TANC2: variants seen among roughly 807,000 people sequenced by gnomAD.
TANC2 encodes tetratricopeptide repeat, ankyrin repeat and coiled-coil containing 2.
A neutral mutation model predicts 210.5 loss-of-function variants in TANC2; 26 were observed. That is an observed-to-expected ratio of 0.12 (90% confidence interval 0.09 to 0.17). The LOEUF (loss-of-function observed/expected upper bound fraction) is 0.17, where lower values mean the gene tolerates loss of function less well. Ranked by LOEUF, TANC2 falls within the 10% of genes least tolerant of loss-of-function variation. TANC2 has a pLI of 1.00. For missense variants in TANC2, 2,129 were observed against 2,608.9 expected (o/e 0.82, Z 4.01); for synonymous variants, 931 against 967.1 (o/e 0.96, Z 0.69).
chr17:63,088,213 G>C (rs1174163873), intron 3 of TANC2: 14 of 151,928 alleles, frequency 9.2e-5, no homozygotes. Flanking sequence ...TTGGCTAAAG[G>C]CCTTCCTATG....
chr17:63,194,971 CAGG>C (rs1356654826), intron 6 of TANC2, among the ~76,000 whole-genome samples: 2 of 152,018 alleles, frequency 1.3e-5, no homozygotes, highest in African/African-American at 4.8e-5. Flanking sequence ...GCATTTTATT[CAGG>C]AGATGACAAA....
At chr17:63,402,454 T>C (rs998672245) in intron 19 of TANC2, among the ~76,000 whole-genome samples, 2 of 152,214 alleles carry the variant, frequency 1.3e-5, no homozygotes, top group African/African-American at 4.8e-5. Flanking sequence ...TGAATAGCAG[T>C]GATCAGTTTA....
rs920746328 is a variant in TANC2, at chr17:63,268,471, CA to C, written c.1159+600del. The stretch of plus-strand genomic sequence containing the variant: ...AACATATGAATTTCTTGTTTAGACC[CA>C]AGTCCTATCACCAAGATCTTTCATT... On this transcript the variant is annotated intron_variant, in intron 9 of 27. Transcript: ENST00000689528. Among the ~76,000 whole-genome samples, 14 of 152,134 alleles carry C rather than the reference CA, an allele frequency of 9.2e-5. 1 individual carries two copies. The highest frequency in any genetic ancestry group is 2.9e-4 in the African/African-American group (12 of 41,448).
chr17:63,059,924 A>C (rs2035935482), intron 2 of TANC2, among the ~76,000 whole-genome samples: 1 of 152,196 alleles, frequency 6.6e-6, no homozygotes, highest in African/African-American at 2.4e-5. Context: ...CCTGGGCACT[A>C]GACATGTCCA....
At chr17:62,974,711 CAT>C (rs1180974831) in intron 1 of TANC2, among the ~76,000 whole-genome samples, 1 of 152,140 alleles carries the variant, frequency 6.6e-6, no homozygotes, top group Non-Finnish European at 1.5e-5. Context: ...AGTTCAAAAA[CAT>C]ATGTACCATA....
chr17:63,089,442 A>C (rs1318396335), intron 3 of TANC2, among the ~76,000 whole-genome samples: 4 of 152,194 alleles, frequency 2.6e-5, no homozygotes, highest in African/African-American at 9.6e-5. Flanking sequence ...TTGAGGGGGA[A>C]AGTGGGAAGG....
At chr17:63,152,334 G>A (rs2039681085) in intron 5 of TANC2, 1 of 152,068 alleles carries the variant, frequency 6.6e-6, no homozygotes, top group Non-Finnish European at 1.5e-5. Flanking sequence ...TACCTTCGAA[G>A]CCAGATAGGA....
chr17:63,366,225 C>G (rs534474297), intron 14 of TANC2, among the ~76,000 whole-genome samples: 1 of 152,292 alleles, frequency 6.6e-6, no homozygotes, highest in Admixed American at 6.5e-5. Context: ...TGAAGACATG[C>G]ATTTCAGCAA....
intron 7 of TANC2, among the ~76,000 whole-genome samples, chr17:63,213,489 G>C (rs2041944646): frequency 6.6e-6 from 1 of 152,178 alleles, no homozygotes; most frequent in Non-Finnish European, 1.5e-5. Flanking sequence ...ATTTCAGTCA[G>C]ATTTTAGTGA....
intron 5 of TANC2, among the ~76,000 whole-genome samples, chr17:63,174,290 C>T (rs2040503305): frequency 6.6e-6 from 1 of 152,188 alleles, no homozygotes; most frequent in Non-Finnish European, 1.5e-5. Context: ...TTGTTACCCT[C>T]ATTTTCTTAC....
chr17:63,258,217 G>A (rs2043255621), intron 8 of TANC2, among the ~76,000 whole-genome samples: 1 of 152,042 alleles, frequency 6.6e-6, no homozygotes, highest in Non-Finnish European at 1.5e-5. Context: ...TGAGAAGTCT[G>A]TTGCCAGATG....
intron 9 of TANC2, among the ~76,000 whole-genome samples, chr17:63,283,342 A>T (rs1465956721): frequency 6.6e-6 from 1 of 151,928 alleles, no homozygotes; most frequent in Non-Finnish European, 1.5e-5. Context: ...ATTGATACTA[A>T]TAACATACTT....
intron 8 of TANC2, among the ~76,000 whole-genome samples, chr17:63,246,743 A>G (rs1015363753): frequency 5.9e-5 from 9 of 152,104 alleles, no homozygotes; most frequent in Non-Finnish European, 1.2e-4. Flanking sequence ...ATTTTGGTCT[A>G]TTGTGAATAG....
At chr17:63,212,574 T>G (rs2041918559) in intron 7 of TANC2, among the ~76,000 whole-genome samples, 1 of 152,188 alleles carries the variant, frequency 6.6e-6, no homozygotes, top group Admixed American at 6.5e-5. Flanking sequence ...TGGAATGTCC[T>G]CCTGTTCTTT....
At chr17:63,006,585 A>G (rs2033633978) in intron 1 of TANC2, among the ~76,000 whole-genome samples, 2 of 151,822 alleles carry the variant, frequency 1.3e-5, no homozygotes, top group Non-Finnish European at 2.9e-5. Flanking sequence ...TTAAAAAAAT[A>G]TTTACTTCTA....
chr17:63,233,260 C>T (rs567983651), intron 7 of TANC2, among the ~76,000 whole-genome samples: 4 of 146,054 alleles, frequency 2.7e-5, no homozygotes, highest in South Asian at 2.1e-4. Context: ...GCCAAGAGGC[C>T]GCCGTAGTCT....
chr17:63,273,517 A>G (rs746927182), intron 9 of TANC2, among the ~76,000 whole-genome samples: 12 of 152,198 alleles, frequency 7.9e-5, no homozygotes, highest in Admixed American at 3.3e-4. Context: ...TTGTGAAAGA[A>G]TGAGAGTGGA....
intron 14 of TANC2, among the ~76,000 whole-genome samples, chr17:63,363,089 G>A (rs1248964803): frequency 6.6e-6 from 1 of 152,100 alleles, no homozygotes; most frequent in Non-Finnish European, 1.5e-5. Flanking sequence ...ATGATATCTC[G>A]TGGTAGTTTT....
intron 14 of TANC2, among the ~76,000 whole-genome samples, chr17:63,379,423 G>A (rs1354536799): frequency 2.0e-5 from 3 of 152,144 alleles, no homozygotes; most frequent in African/African-American, 7.2e-5. Flanking sequence ...AGCAGCTCAT[G>A]CCTTTGGAGG....
Sources: allele counts gnomAD v4.1 joint callset (sites outside exome capture counted in the v4.1 genomes callset), GRCh38; gene constraint gnomAD v4.1.1; transcripts MANE v1.5; gene names NCBI Gene and HGNC (gene_info 2026-07-23, HGNC 2026-07-21).